Variants in ENTREP2 observed in about 807,000 individuals in gnomAD.
The protein encoded by ENTREP2 is protein ENTREP2.
the ENTREP2 span, among the ~76,000 whole-genome samples, chr15:29,387,520 A>G: frequency 2.6e-5 from 4 of 152,250 alleles, no homozygotes; most frequent in African/African-American, 7.2e-5. Flanking sequence ...GGAAGAATCA[A>G]TATCGTGAAA....
the ENTREP2 span, among the ~76,000 whole-genome samples, chr15:29,518,914 T>A: frequency 1.3e-5 from 2 of 152,132 alleles, no homozygotes; most frequent in Non-Finnish European, 2.9e-5. Context: ...GAGGAACTGC[T>A]AACTCTTTTC....
the ENTREP2 span, among the ~76,000 whole-genome samples, chr15:29,301,827 C>T: frequency 6.6e-6 from 1 of 152,146 alleles, no homozygotes; most frequent in Non-Finnish European, 1.5e-5. Context: ...AGAGAACTTC[C>T]CAGCCCCTTC....
At chr15:29,310,491 C>A in the ENTREP2 span, among the ~76,000 whole-genome samples, 1 of 152,152 alleles carries the variant, frequency 6.6e-6, no homozygotes, top group Non-Finnish European at 1.5e-5. Context: ...TGTGCTCAGC[C>A]CCTGGGGGAT....
At chr15:29,570,287 G>A in the ENTREP2 span, among the ~76,000 whole-genome samples, 46 of 151,748 alleles carry the variant, frequency 3.0e-4, no homozygotes, top group Non-Finnish European at 6.0e-4. Flanking sequence ...GGGAATCAGC[G>A]CAATAGGAGC....
the ENTREP2 span, among the ~76,000 whole-genome samples, chr15:29,165,207 C>G: frequency 6.6e-6 from 1 of 151,998 alleles, no homozygotes; most frequent in Non-Finnish European, 1.5e-5. Context: ...CCCTAAACGC[C>G]TACATCAAAA....
chr15:29,657,417 G>A, the ENTREP2 span, among the ~76,000 whole-genome samples: 6 of 129,308 alleles, frequency 4.6e-5, no homozygotes, highest in South Asian at 5.4e-4. Context: ...CTATAAAGAA[G>A]CAAAGGACAA....
At chr15:29,468,014 C>A in the ENTREP2 span, among the ~76,000 whole-genome samples, 1 of 152,092 alleles carries the variant, frequency 6.6e-6, no homozygotes, top group Non-Finnish European at 1.5e-5. Flanking sequence ...TGCACCACAG[C>A]ACAAGGCTCA....
the ENTREP2 span, among the ~76,000 whole-genome samples, chr15:29,540,302 C>G: frequency 1.3e-5 from 2 of 152,210 alleles, no homozygotes; most frequent in Admixed American, 1.3e-4. Context: ...CTGTTGTTAA[C>G]TATAGCCACT....
chr15:29,122,954 G>A, the ENTREP2 span: 1 of 172,160 alleles, frequency 5.8e-6, no homozygotes, highest in Non-Finnish European at 1.2e-5. Context: ...CTCCTGCTTT[G>A]GAAGGCCCTG....
the ENTREP2 span, among the ~76,000 whole-genome samples, chr15:29,666,759 T>C: frequency 1.1e-4 from 17 of 152,330 alleles, no homozygotes; most frequent in African/African-American, 4.1e-4. Context: ...CTTGACACTG[T>C]AGTTTCCCAG....
the ENTREP2 span, among the ~76,000 whole-genome samples, chr15:29,443,043 G>C: frequency 6.6e-6 from 1 of 152,226 alleles, no homozygotes; most frequent in Non-Finnish European, 1.5e-5. Flanking sequence ...AAGGAGGGAA[G>C]CCGCATGTTT....
At chr15:29,356,268 G>GTGTA in the ENTREP2 span, among the ~76,000 whole-genome samples, 268 of 57,584 alleles carry the variant, frequency 4.7e-3, 5 homozygotes, top group East Asian at 0.015. Context: ...GTGTGTGTGT[G>GTGTA]TATATATATA....
the ENTREP2 span, chr15:29,122,707 G>T: frequency 6.6e-6 from 1 of 152,262 alleles, no homozygotes; most frequent in Non-Finnish European, 1.5e-5. Flanking sequence ...GTTCCCTGGG[G>T]GGGGCCGGGC....
chr15:29,367,201 T>TA, the ENTREP2 span, among the ~76,000 whole-genome samples: 3 of 152,160 alleles, frequency 2.0e-5, no homozygotes, highest in African/African-American at 4.8e-5. Flanking sequence ...CATCCTCCAT[T>TA]CCTCATCTCT....
At chr15:29,665,536 C>T in the ENTREP2 span, among the ~76,000 whole-genome samples, 1 of 152,178 alleles carries the variant, frequency 6.6e-6, no homozygotes, top group African/African-American at 2.4e-5. Context: ...TGAATCTCCT[C>T]GTGGGAGGAA....
At chr15:29,580,542 G>A in the ENTREP2 span, among the ~76,000 whole-genome samples, 1 of 152,140 alleles carries the variant, frequency 6.6e-6, no homozygotes, top group Non-Finnish European at 1.5e-5. Flanking sequence ...GATTATGCTG[G>A]AAAAGACCAA....
At chr15:29,165,749 G>A in the ENTREP2 span, among the ~76,000 whole-genome samples, 1 of 152,046 alleles carries the variant, frequency 6.6e-6, no homozygotes, top group Admixed American at 6.6e-5. Flanking sequence ...TTTCTAAGAA[G>A]AATTGGTACC....
chr15:29,339,518 C>G, the ENTREP2 span, among the ~76,000 whole-genome samples: 1 of 152,202 alleles, frequency 6.6e-6, no homozygotes, highest in African/African-American at 2.4e-5. Flanking sequence ...TGCGCTGTAA[C>G]AGGCTCAGTG....
At chr15:29,299,561 T>C in the ENTREP2 span, among the ~76,000 whole-genome samples, 24,659 of 152,070 alleles carry the variant, frequency 0.16, 3,364 homozygotes, top group African/African-American at 0.38. Context: ...TGGCTGGACA[T>C]TCTTCTTTCT....
Sources: gnomAD v4.1 joint callset for allele counts (sites outside exome capture counted in the v4.1 genomes callset) on GRCh38, gnomAD v4.1.1 for gene constraint, MANE v1.5 for transcripts, NCBI Gene and HGNC (gene_info 2026-07-23, HGNC 2026-07-21) for gene names.